Variants in WIPI1 observed in about 807,000 individuals in gnomAD.
WIPI1 encodes WD repeat domain, phosphoinositide interacting 1.
A neutral mutation model predicts 55.3 loss-of-function variants in WIPI1; 45 were observed. The ratio of observed to expected loss-of-function variants is 0.81; its 90% CI spans 0.64 to 1.04. The LOEUF (loss-of-function observed/expected upper bound fraction) is 1.04. Among genes scored for constraint, WIPI1 ranks in the 50% least tolerant of loss-of-function variants. WIPI1 has a pLI of 0.00. For synonymous variants in WIPI1, 195 were observed against 217.6 expected (o/e 0.90, Z 0.92); for missense variants, 445 against 559.0 (o/e 0.80, Z 2.06).
chr17:68,451,947 T>C (rs2084516231), intron 2 of WIPI1, among the ~76,000 whole-genome samples: 1 of 152,140 alleles, frequency 6.6e-6, no homozygotes, highest in Non-Finnish European at 1.5e-5. Context: ...GGGACAGACA[T>C]AGAGCAAAAA....
At chr17:68,422,391 T>C (rs1377398762) in intron 12 of WIPI1, 1 of 140,212 alleles carries the variant, frequency 7.1e-6, no homozygotes, top group Non-Finnish European at 1.5e-5. Flanking sequence ...ATCGCACCAC[T>C]GCACTCCAGC....
chr17:68,444,660 C>A (rs914459941), intron 3 of WIPI1, 71 bp from the exon 4 acceptor site: 2 of 1,281,474 alleles, frequency 1.6e-6, no homozygotes, highest in Non-Finnish European at 2.2e-6. Flanking sequence ...CCAAATCATT[C>A]ATCTTTCATA....
Position 68,457,383 on chromosome 17 carries a change from A to G in WIPI1, c.39T>C (p.Val13=). ...AAGAGAAGCAGCTGAGCGCCGACTCAACCCCGCCCGGGGGAGCGTCCGCGG... is the reference window on the plus strand; with the variant it reads ...AAGAGAAGCAGCTGAGCGCCGACTCGACCCCGCCCGGGGGAGCGTCCGCGG... ...AEAADAPPGG[V]ESALSCFSFN... Residue 13 remains valine, a synonymous_variant, in exon 1 of 13, where the codon GTT becomes GTC. Transcript: ENST00000262139. The G allele has an allele frequency of 6.5e-7, 1 of 1,538,702 alleles. No individual in the cohort carries two copies. The highest frequency in any genetic ancestry group is 8.7e-7 in the Non-Finnish European group (1 of 1,143,776).
intron 10 of WIPI1, among the ~76,000 whole-genome samples, chr17:68,428,003 A>G (rs1193179772): frequency 6.6e-6 from 1 of 151,260 alleles, no homozygotes; most frequent in Non-Finnish European, 1.5e-5. Flanking sequence ...TGATCCCCCC[A>G]CCTCTGCCTC....
intron 3 of WIPI1, among the ~76,000 whole-genome samples, chr17:68,446,211 C>T (rs1316197467): frequency 2.6e-5 from 4 of 151,682 alleles, no homozygotes; most frequent in Admixed American, 2.6e-4. Flanking sequence ...GACAGGGTCT[C>T]GTTCTGTCAC....
Position 68,442,328 on chromosome 17 carries a change from G to A in WIPI1, c.430+2165C>T, listed in dbSNP as rs180727964. On this transcript the variant is annotated intron_variant, in intron 4 of 12. Transcript: ENST00000262139. ...AAAATACAAAAAATTAGCTGGGTGT[G>A]GTGGTAGGCACCTGTAGTCCCAGCT... Among the ~76,000 whole-genome samples the A allele has an allele frequency of 1.4e-3, 207 of 152,166 alleles. 2 individuals are homozygous for A. The highest frequency in any genetic ancestry group is 6.8e-3 in the Middle Eastern group (2 of 294).
chr17:68,439,990 C>T (rs1401408020), intron 4 of WIPI1, among the ~76,000 whole-genome samples: 1 of 152,166 alleles, frequency 6.6e-6, no homozygotes, highest in African/African-American at 2.4e-5. Context: ...CATAAATATT[C>T]CCAGAAGGGA....
Position 68,426,253 on chromosome 17 carries a change from G to GGGGGGGGGGA in WIPI1, c.1193-79_1193-78insTCCCCCCCCC. On this transcript the variant is annotated intron_variant, in intron 11 of 12. Transcript: ENST00000262139. ...CATGACCTGGCGGGTGGGGAGCGGGGGCTCAAATAAAGGGCAAAGGAAGCA... is the reference window on the plus strand; with the variant it reads ...CATGACCTGGCGGGTGGGGAGCGGGGGGGGGGGGGAGCTCAAATAAAGGGCAAAGGAAGCA... 2 of 841,016 alleles carry GGGGGGGGGGA rather than the reference G, an allele frequency of 2.4e-6. 1 individual carries two copies. The highest frequency in any genetic ancestry group is 3.8e-6 in the Non-Finnish European group (2 of 533,110). 52.1% of individuals were successfully genotyped at this position (841,016 alleles called of 1,614,324 possible).
At chr17:68,452,793 T>A in intron 2 of WIPI1, 117 bp downstream of exon 2, 1 of 851,602 alleles carries the variant, frequency 1.2e-6, no homozygotes. Flanking sequence ...CTTGACTCCC[T>A]AAGTTTGATG....
rs190480045 is a variant in WIPI1 at position 68,443,641 on chromosome 17, T to C, written c.430+852A>G. Among the ~76,000 whole-genome samples, 308 of 152,276 alleles carry C rather than the reference T, an allele frequency of 2.0e-3. 1 individual carries two copies. Among genetic ancestry groups the C allele is most frequent in the African/African-American group, 7.1e-3 (295 of 41,556 alleles). On this transcript the variant is annotated intron_variant, in intron 4 of 12. Coordinates refer to ENST00000262139, the MANE Select transcript of WIPI1 (RefSeq NM_017983.7). ...GGAACCAAGGTTCAAAAAGTCTAGG[T>C]GACTTGGATGGCACCCAGATAGATC...
intron 10 of WIPI1, among the ~76,000 whole-genome samples, chr17:68,427,942 T>C (rs1285163101): frequency 1.2e-4 from 19 of 152,194 alleles, no homozygotes. Context: ...CAGGCTGCAG[T>C]GCAGTGGTGT....
intron 4 of WIPI1, among the ~76,000 whole-genome samples, chr17:68,443,983 C>A (rs887722427): frequency 1.3e-5 from 2 of 152,112 alleles, no homozygotes; most frequent in Non-Finnish European, 1.5e-5. Context: ...AGTGTTAAAT[C>A]CCGAGAATTC....
intron 11 of WIPI1, 29 bp downstream of exon 11, chr17:68,427,106 G>T (rs1231107314): frequency 6.4e-7 from 1 of 1,567,520 alleles, no homozygotes. Context: ...TGTTGGAGAT[G>T]CTCCCCTGTT....
chr17:68,437,014 A>ATGTGTGTGTGTGTGTG (rs1181984378), intron 4 of WIPI1, among the ~76,000 whole-genome samples: 7 of 82,090 alleles, frequency 8.5e-5, no homozygotes, highest in East Asian at 2.4e-4. Flanking sequence ...AAATATATAT[A>ATGTGTGTGTGTGTGTG]TATGTGTGTG....
intron 10 of WIPI1, chr17:68,428,420 A>C (rs2083347567): frequency 5.6e-6 from 1 of 177,394 alleles, no homozygotes; most frequent in Non-Finnish European, 1.2e-5. Flanking sequence ...TTTGGTATAG[A>C]TGGGGTTTCA....
chr17:68,453,075 T>TG, intron 1 of WIPI1, 83 bp from the exon 2 acceptor site: 2 of 1,117,450 alleles, frequency 1.8e-6, no homozygotes, highest in Non-Finnish European at 2.7e-6. Flanking sequence ...TTTTGCCCCC[T>TG]AGCCTCAGGG....
Position 68,423,646 on chromosome 17 carries a change from G to A in WIPI1, c.1294-1826C>T, listed in dbSNP as rs958435513. ...TCCTTAGGAGGGAGAAGAAACAACT[G>A]GCTCATGCCCAGCTTCCTGGCACTG... is the stretch of plus-strand genomic sequence containing the variant. On this transcript the variant is annotated intron_variant, in intron 12 of 12. Transcript: ENST00000262139. The surrounding 1 kb of genome is among the most constrained non-coding windows in gnomAD (Gnocchi z 4.4). 6.6e-6 allele frequency among the ~76,000 whole-genome samples: 1 copy of A among 152,136 alleles called. No individual in the cohort carries two copies. The highest frequency in any genetic ancestry group is 1.5e-5 in the Non-Finnish European group (1 of 68,022).
chr17:68,443,251 C>G (rs2084154759), intron 4 of WIPI1, among the ~76,000 whole-genome samples: 1 of 152,112 alleles, frequency 6.6e-6, no homozygotes, highest in African/African-American at 2.4e-5. Flanking sequence ...GCTGGGATTA[C>G]AGGCACTCGC....
rs187436546 is a variant in WIPI1 at position 68,455,763 on chromosome 17, C to T, written c.80+1579G>A. 4.0e-3 allele frequency among the ~76,000 whole-genome samples: 603 copies of T among 152,226 alleles called. 9 individuals are homozygous for T. The highest frequency in any genetic ancestry group is 0.037 in the Admixed American group (568 of 15,300). ...ATTTCTGTAGAAAGCTGGGACTTTG[C>T]GTTATTTAATGGCTAGAGTATAAAT... On this transcript the variant is annotated intron_variant, in intron 1 of 12. Transcript: ENST00000262139.
Sources: allele counts gnomAD v4.1 joint callset (sites outside exome capture counted in the v4.1 genomes callset), GRCh38; gene constraint gnomAD v4.1.1; non-coding constraint Gnocchi (gnomAD v3.1); transcripts MANE v1.5; gene names NCBI Gene and HGNC (gene_info 2026-07-23, HGNC 2026-07-21).